Variants in TENM2 observed in about 807,000 individuals in gnomAD.
TENM2 encodes teneurin transmembrane protein 2, also known as teneurin-2.
TENM2 carries 52 observed loss-of-function variants against 245.2 expected under a neutral mutation model. That is an observed-to-expected ratio of 0.21 (90% CI 0.17 to 0.27). TENM2 has a LOEUF of 0.27. Ranked by LOEUF, TENM2 falls within the 10% of genes least tolerant of loss-of-function variation. The probability of loss-of-function intolerance (pLI) is 1.00; values close to 1 mark genes in which losing one functional copy is unlikely to be tolerated. For missense variants in TENM2, 3,046 were observed against 3,666.8 expected (o/e 0.83, Z 4.37); for synonymous variants, 1,363 against 1,438.9 (o/e 0.95, Z 1.19).
intron 2 of TENM2, among the ~76,000 whole-genome samples, chr5:167,854,418 G>A (rs969703540): frequency 1.3e-5 from 2 of 152,194 alleles, no homozygotes; most frequent in African/African-American, 4.8e-5. Context: ...TGAAATATGT[G>A]CTGCGTCTTC....
At chr5:167,920,444 G>C (rs1004975993) in intron 3 of TENM2, among the ~76,000 whole-genome samples, 3 of 151,556 alleles carry the variant, frequency 2.0e-5, no homozygotes, top group African/African-American at 7.3e-5. Flanking sequence ...CTTGAACCCG[G>C]GAGGTGGAGG....
At chr5:167,767,802 T>A (rs1470615444) in intron 2 of TENM2, among the ~76,000 whole-genome samples, 1 of 152,238 alleles carries the variant, frequency 6.6e-6, no homozygotes, top group African/African-American at 2.4e-5. Flanking sequence ...ACTTGAAGTC[T>A]GTAGACCACA....
chr5:167,852,720 G>C (rs995139581), intron 2 of TENM2, among the ~76,000 whole-genome samples: 46 of 152,194 alleles, frequency 3.0e-4, no homozygotes, highest in African/African-American at 9.4e-4. Flanking sequence ...TGCATGATCG[G>C]CTCTTTTATA....
At chr5:167,321,840 A>C (rs1581740053) in intron 1 of TENM2, among the ~76,000 whole-genome samples, 2 of 94,382 alleles carry the variant, frequency 2.1e-5, no homozygotes, top group African/African-American at 4.4e-5. Context: ...GGAGTCACTC[A>C]CTCTGCCACC....
intron 2 of TENM2, among the ~76,000 whole-genome samples, chr5:167,872,373 G>A (rs1772946434): frequency 7.2e-6 from 1 of 139,214 alleles, no homozygotes; most frequent in Non-Finnish European, 1.6e-5. Context: ...AGGAAGGAAG[G>A]AAGGAAAAGA....
intron 2 of TENM2, among the ~76,000 whole-genome samples, chr5:167,733,548 G>A (rs747508456): frequency 1.3e-5 from 2 of 152,206 alleles, no homozygotes; most frequent in Non-Finnish European, 2.9e-5. Flanking sequence ...CTAAAGGAGT[G>A]AAGAGGCTTT....
At chr5:168,241,552 C>T (rs543426291) in intron 25 of TENM2, among the ~76,000 whole-genome samples, 43 of 151,770 alleles carry the variant, frequency 2.8e-4, no homozygotes, top group South Asian at 1.5e-3. Context: ...ATGAGCCACA[C>T]GCACCTGGCC....
At chr5:167,917,448 G>A (rs1395724980) in intron 3 of TENM2, among the ~76,000 whole-genome samples, 1 of 151,956 alleles carries the variant, frequency 6.6e-6, no homozygotes, top group Non-Finnish European at 1.5e-5. Flanking sequence ...CCCTAGGCAG[G>A]GAGTTTTTAA....
At position 167,832,797 on chromosome 5, in the gene TENM2, G is replaced by C. The variant is rs151251466; in HGVS notation, c.503-43189G>C. Among the ~76,000 whole-genome samples the C allele has an allele frequency of 2.0e-5, 3 of 152,356 alleles. No homozygotes were observed. In the East Asian group the frequency reaches 5.8e-4, roughly 29 times the overall value. The stretch of plus-strand genomic sequence containing the variant: ...TACACACAGGAGTGCACTGGAGCCA[G>C]CTTGTACTAGCTTGTAAAGGCCCAT... On this transcript the variant is annotated intron_variant, in intron 2 of 28. Transcript: ENST00000518659.
chr5:167,486,740 C>T (rs942215150), intron 2 of TENM2, among the ~76,000 whole-genome samples: 8 of 152,080 alleles, frequency 5.3e-5, no homozygotes, highest in African/African-American at 1.7e-4. Context: ...CTCTGTTACT[C>T]AACTACTGCA....
chr5:167,729,780 G>A (rs1393131424), intron 2 of TENM2, among the ~76,000 whole-genome samples: 2 of 152,154 alleles, frequency 1.3e-5, no homozygotes, highest in African/African-American at 2.4e-5. Context: ...TTTGAACTTG[G>A]CAGTTTATAG....
intron 2 of TENM2, among the ~76,000 whole-genome samples, chr5:167,726,225 A>G (rs1036751894): frequency 7.3e-6 from 1 of 137,116 alleles, no homozygotes; most frequent in Non-Finnish European, 1.5e-5. Flanking sequence ...AATGCTCCTC[A>G]TTACCTGAAG....
intron 2 of TENM2, among the ~76,000 whole-genome samples, chr5:167,812,601 G>A (rs181649013): frequency 1.3e-5 from 2 of 152,260 alleles, no homozygotes; most frequent in Non-Finnish European, 2.9e-5. Context: ...TTCTTTAAGC[G>A]CCAGCCTGAG....
intron 3 of TENM2, among the ~76,000 whole-genome samples, chr5:167,921,595 C>G (rs1777376034): frequency 6.6e-6 from 1 of 152,112 alleles, no homozygotes; most frequent in South Asian, 2.1e-4. Context: ...AGCCTCTTAA[C>G]AAGACCCCCA....
chr5:168,116,689 C>T (rs1690149156), intron 9 of TENM2, among the ~76,000 whole-genome samples: 2 of 152,164 alleles, frequency 1.3e-5, no homozygotes. Flanking sequence ...GACTATATAT[C>T]TTTGGGAAAT....
intron 2 of TENM2, among the ~76,000 whole-genome samples, chr5:167,451,934 C>G (rs567689668): frequency 5.5e-4 from 84 of 152,246 alleles, no homozygotes; most frequent in African/African-American, 2.0e-3. Context: ...CAGGCATGAG[C>G]CACCGCGTCT....
the TENM2 span, among the ~76,000 whole-genome samples, chr5:167,122,512 A>G: frequency 3.9e-5 from 6 of 152,176 alleles, no homozygotes; most frequent in African/African-American, 1.4e-4. Flanking sequence ...TGTGCTCTCA[A>G]ATGACAGCTT....
At chr5:168,253,563 C>T (rs1478730834) in intron 27 of TENM2, among the ~76,000 whole-genome samples, 2 of 151,700 alleles carry the variant, frequency 1.3e-5, no homozygotes, top group Non-Finnish European at 2.9e-5. Context: ...GTAGCTGGAA[C>T]TACAGGCGCC....
intron 2 of TENM2, among the ~76,000 whole-genome samples, chr5:167,492,325 A>G (rs1243469833): frequency 1.3e-5 from 2 of 152,100 alleles, no homozygotes; most frequent in African/African-American, 4.8e-5. Flanking sequence ...GCATAACCCT[A>G]TTTGGGACTC....
Sources: allele counts gnomAD v4.1 joint callset (sites outside exome capture counted in the v4.1 genomes callset), GRCh38; gene constraint gnomAD v4.1.1; transcripts MANE v1.5; gene names NCBI Gene and HGNC (gene_info 2026-07-23, HGNC 2026-07-21).